Variants in ANKRD31 observed in about 807,000 individuals in gnomAD.
ANKRD31 encodes ankyrin repeat domain-containing protein 31.
Under a neutral mutation model 186.0 loss-of-function variants are expected in ANKRD31, and 147 were observed. The ratio of observed to expected loss-of-function variants is 0.79; its 90% CI spans 0.69 to 0.91. The LOEUF (loss-of-function observed/expected upper bound fraction) is 0.91, where lower values mean the gene tolerates loss of function less well. Ranked by LOEUF, ANKRD31 falls within the 40% of genes least tolerant of loss-of-function variation. The pLI is 0.00. For missense variants in ANKRD31, 1,986 were observed against 2,148.8 expected (o/e 0.92, Z 1.50); for synonymous variants, 673 against 736.4 (o/e 0.91, Z 1.39).
At chr5:75,164,549 G>C (rs1437696864) in intron 11 of ANKRD31, among the ~76,000 whole-genome samples, 1 of 152,152 alleles carries the variant, frequency 6.6e-6, no homozygotes, top group Non-Finnish European at 1.5e-5. Context: ...AGAGGAATTG[G>C]TAAGTGTAGA....
At chr5:75,189,066 G>A (rs1316175848) in intron 9 of ANKRD31, among the ~76,000 whole-genome samples, 1 of 152,084 alleles carries the variant, frequency 6.6e-6, no homozygotes, top group Non-Finnish European at 1.5e-5. Flanking sequence ...ATAAAACCAT[G>A]AGGAGAAAAT....
intron 11 of ANKRD31, among the ~76,000 whole-genome samples, chr5:75,166,419 C>T (rs1005590684): frequency 3.9e-5 from 6 of 152,030 alleles, no homozygotes; most frequent in Non-Finnish European, 8.8e-5. Flanking sequence ...GGCAGTGAAC[C>T]GAGATCACGC....
chr5:75,100,701 C>T (rs984526067), intron 22 of ANKRD31, among the ~76,000 whole-genome samples: 1 of 152,060 alleles, frequency 6.6e-6, no homozygotes, highest in Non-Finnish European at 1.5e-5. Flanking sequence ...CTCTTTTGAT[C>T]TTTGTTGGTT....
At chr5:75,222,109 TAAGA>T (rs1212429096) in intron 3 of ANKRD31, 136 bp downstream of exon 3, 2 of 570,514 alleles carry the variant, frequency 3.5e-6, no homozygotes, top group Non-Finnish European at 5.9e-6. Flanking sequence ...AATGACTAGT[TAAGA>T]AAGAGGTAAA....
At chr5:75,199,585 T>C in intron 6 of ANKRD31, 46 bp downstream of exon 6, 1 of 1,435,612 alleles carries the variant, frequency 7.0e-7, no homozygotes, top group Non-Finnish European at 9.3e-7. Flanking sequence ...TTTTAAAAAA[T>C]CTAAACTCAC....
At chr5:75,149,753 G>A (rs1345426105) in intron 12 of ANKRD31, among the ~76,000 whole-genome samples, 1 of 151,810 alleles carries the variant, frequency 6.6e-6, no homozygotes, top group Non-Finnish European at 1.5e-5. Flanking sequence ...GTGTTTACAT[G>A]AATCCTAGGT....
chr5:75,083,029 T>G (rs899810897), intron 24 of ANKRD31, among the ~76,000 whole-genome samples: 1 of 152,214 alleles, frequency 6.6e-6, no homozygotes, highest in Admixed American at 6.5e-5. Flanking sequence ...AGAAGTATTT[T>G]GGATTTTAGA....
chr5:75,152,554 T>C (rs1751911300), intron 12 of ANKRD31, among the ~76,000 whole-genome samples: 1 of 151,982 alleles, frequency 6.6e-6, no homozygotes, highest in Non-Finnish European at 1.5e-5. Flanking sequence ...AAAATACAGT[T>C]TAATAAATGG....
At position 75,143,044 on chromosome 5, in the gene ANKRD31, T is replaced by C. The variant is rs140280198; in HGVS notation, c.3595+957A>G. Among the ~76,000 whole-genome samples the C allele has an allele frequency of 1.6e-4, 25 of 152,294 alleles. 1 individual carries two copies. The East Asian group carries it at 4.8e-3, about 29-fold the overall frequency. On this transcript the variant is annotated intron_variant, in intron 15 of 25. Transcript: ENST00000506364. ...AGTGTCAACGGGGCTGTACTCCCTC[T>C]GGAAGCTCTAGGAGAGAATATTTCT...
chr5:75,155,470 T>C (rs1752102973), intron 11 of ANKRD31, among the ~76,000 whole-genome samples: 1 of 152,156 alleles, frequency 6.6e-6, no homozygotes, highest in Admixed American at 6.5e-5. Flanking sequence ...CTATAATTTA[T>C]TTCACCAGTA....
chr5:75,220,409 G>A (rs1757213849), intron 3 of ANKRD31, among the ~76,000 whole-genome samples: 1 of 152,090 alleles, frequency 6.6e-6, no homozygotes, highest in Admixed American at 6.6e-5. Context: ...GGAGGCTGAG[G>A]CGGGTGGATC....
chr5:75,079,154 G>T (rs1333863308), intron 25 of ANKRD31, among the ~76,000 whole-genome samples: 1 of 152,150 alleles, frequency 6.6e-6, no homozygotes, highest in Admixed American at 6.5e-5. Context: ...ATACAATTCA[G>T]AATAAAGCTT....
intron 17 of ANKRD31, among the ~76,000 whole-genome samples, chr5:75,135,339 T>G (rs184680242): frequency 8.3e-4 from 127 of 152,298 alleles, no homozygotes; most frequent in Admixed American, 1.5e-3. Context: ...TAAATCAATG[T>G]GCAAAAATCA....
chr5:75,095,994 C>T (rs747346224), intron 22 of ANKRD31, among the ~76,000 whole-genome samples: 25 of 152,030 alleles, frequency 1.6e-4, no homozygotes, highest in African/African-American at 3.1e-4. Flanking sequence ...ACTTAACAGG[C>T]GTCTATAGAA....
intron 11 of ANKRD31, among the ~76,000 whole-genome samples, chr5:75,162,202 T>G (rs1319666167): frequency 6.6e-6 from 1 of 152,200 alleles, no homozygotes; most frequent in African/African-American, 2.4e-5. Context: ...GAGACTGTAC[T>G]CTGCAAAGCC....
In ANKRD31 at chr5:75,091,375, T is replaced by TA; in HGVS notation, c.5357dup (p.Leu1786PhefsTer5). ...TTTCTACCTTAAGTTTACCATTCAA[T>TA]AAAATACTGGCTTTGTGGGTAGTCT... On this transcript the variant is annotated frameshift_variant, in exon 23 of 26. Coordinates refer to ENST00000506364, the MANE Select transcript of ANKRD31 (RefSeq NM_001372053.1). LOFTEE classifies it high-confidence loss of function. 6.5e-7 allele frequency: 1 copy of TA among 1,536,850 alleles called. No individual in the cohort carries two copies. Among genetic ancestry groups the TA allele is most frequent in the Non-Finnish European group, 8.7e-7 (1 of 1,146,806 alleles).
chr5:75,190,312 C>A (rs1419810871), intron 9 of ANKRD31, among the ~76,000 whole-genome samples: 2 of 152,162 alleles, frequency 1.3e-5, no homozygotes, highest in African/African-American at 4.8e-5. Context: ...TGAGCCACTG[C>A]ACGTGGCCTG....
At chr5:75,153,119 G>C (rs543233728) in intron 12 of ANKRD31, among the ~76,000 whole-genome samples, 1 of 152,040 alleles carries the variant, frequency 6.6e-6, no homozygotes, top group Admixed American at 6.6e-5. Flanking sequence ...CAGCCTTATG[G>C]AGAAGCTAAT....
intron 24 of ANKRD31, 74 bp from the exon 25 acceptor site, chr5:75,080,713 T>G (rs1338440830): frequency 3.6e-6 from 3 of 834,872 alleles, no homozygotes; most frequent in Non-Finnish European, 5.3e-6. Context: ...AGGATGATGG[T>G]CACCCTACCG....
Sources: allele counts gnomAD v4.1 joint callset (sites outside exome capture counted in the v4.1 genomes callset), GRCh38; gene constraint gnomAD v4.1.1; transcripts MANE v1.5; gene names NCBI Gene and HGNC (gene_info 2026-07-23, HGNC 2026-07-21).